Variants in CD101 observed in about 807,000 individuals in gnomAD.
The protein encoded by CD101 is CD101 molecule, also known as immunoglobulin superfamily member 2.
In CD101, 76 loss-of-function variants were observed where a neutral mutation model predicts 98.2. That is an observed-to-expected ratio of 0.77 (90% CI 0.64 to 0.94). The LOEUF (loss-of-function observed/expected upper bound fraction) is 0.94. CD101 is among the 40% of genes least tolerant of loss of function. The pLI, the probability that CD101 is intolerant of heterozygous loss-of-function variation, is 0.00. For synonymous variants in CD101, 471 were observed against 472.7 expected, an observed-to-expected ratio of 1.00 and a Z score of 0.05; for missense variants, 1,145 against 1,218.8, an observed-to-expected ratio of 0.94 and a Z score of 0.90.
At position 117,017,215 on chromosome 1, in the gene CD101, C is replaced by T. The variant is rs146228310; in HGVS notation, c.1354C>T (p.Arg452Trp). 55 of 1,613,982 alleles carry T rather than the reference C, an allele frequency of 3.4e-5. No individual in the cohort carries two copies. The highest frequency in any genetic ancestry group is 2.7e-4 in the East Asian group (12 of 44,886). ...GTCTGTGAGCTGGTGGCACATCCCACGGGACCAGACACAGCCCGAGTTTGT... is the reference window on the plus strand; with the variant it reads ...GTCTGTGAGCTGGTGGCACATCCCATGGGACCAGACACAGCCCGAGTTTGT... Reference protein sequence around the residue: ...PLSVSWWHIPRDQTQPEFVAG... With the variant: ...PLSVSWWHIPWDQTQPEFVAG... Residue 452 changes from arginine to tryptophan, a missense_variant, in exon 5 of 10, where the codon CGG (arginine) becomes TGG (tryptophan). Physicochemically the swap from Arg to Trp is moderately radical, Grantham distance 101. Coordinates refer to ENST00000682167, the MANE Select transcript of CD101 (RefSeq NM_001256106.3).
In CD101 at chr1:117,025,896, T is replaced by C. The variant is rs1653890351; in HGVS notation, c.2816T>C (p.Leu939Pro). The C allele has an allele frequency of 3.7e-6, 6 of 1,605,206 alleles. No homozygotes were observed. The highest frequency in any genetic ancestry group is 1.3e-5 in the African/African-American group (1 of 74,928). Reference protein sequence around the residue: ...DESQRMVLTVLPSEPTLPSRI... With the variant: ...DESQRMVLTVPPSEPTLPSRI... The stretch of plus-strand genomic sequence containing the variant: ...TCACAGCGGATGGTGCTCACGGTGC[T>C]GCCTTCAGGTAACCAGGGGTTTATC... The change falls in exon 8 of 10, where the codon CTG becomes CCG. Residue 939 changes from leucine to proline, a missense_variant. Coordinates refer to ENST00000682167, the MANE Select transcript of CD101 (RefSeq NM_001256106.3).
rs756499266 is a variant in CD101 at position 117,022,272 on chromosome 1, T to A, written c.2428+289T>A. On this transcript the variant is annotated intron_variant, in intron 7 of 9. Transcript: ENST00000682167. The surrounding 1 kb of genome is among the most constrained non-coding windows in gnomAD (Gnocchi z 4.8). ...CTGTGCAGCTACCCAGGGTATCGTA[T>A]CTCCAGATCTCTATCATAACAAGCT... 3.9e-5 allele frequency among the ~76,000 whole-genome samples: 6 copies of A among 152,120 alleles called. No homozygotes were observed. Among genetic ancestry groups the A allele is most frequent in the Admixed American group, 6.5e-5 (1 of 15,270 alleles).
intron 2 of CD101, 41 bp from the exon 3 acceptor site, chr1:117,011,509 G>A (rs1193609416): frequency 6.4e-7 from 1 of 1,561,134 alleles, no homozygotes; most frequent in Non-Finnish European, 8.7e-7. Flanking sequence ...CACTGGACAA[G>A]CACTGGGCCA....
rs950409941 is a variant in CD101, at chr1:117,023,923, C to T, written c.2429-1586C>T. Reference sequence around the variant, plus strand: ...GTCAATTTCAAGGAGAAATTGGACTCCAGTAACAAAAACCACATAGAGGAC... The same window carrying T: ...GTCAATTTCAAGGAGAAATTGGACTTCAGTAACAAAAACCACATAGAGGAC... On this transcript the variant is annotated intron_variant, in intron 7 of 9. Coordinates refer to ENST00000682167, the MANE Select transcript of CD101 (RefSeq NM_001256106.3). This position sits in a 1 kb window ranked among gnomAD's most constrained non-coding sequence, Gnocchi z 4.4. Among the ~76,000 whole-genome samples the T allele has an allele frequency of 6.6e-6, 1 of 152,088 alleles. No homozygotes were observed. Among genetic ancestry groups the T allele is most frequent in the Non-Finnish European group, 1.5e-5 (1 of 68,028 alleles).
At chr1:117,026,584 T>G (rs1377832705) in intron 8 of CD101, 2 of 152,246 alleles carry the variant, frequency 1.3e-5, no homozygotes, top group African/African-American at 4.8e-5. Flanking sequence ...GCACATTCCG[T>G]ACATGTTTTC....
intron 2 of CD101, among the ~76,000 whole-genome samples, chr1:117,011,330 C>T (rs1652874399): frequency 6.6e-6 from 1 of 152,124 alleles, no homozygotes; most frequent in Non-Finnish European, 1.5e-5. Context: ...AGGGTCAACA[C>T]ATTGATGAGG....
At chr1:117,030,056 G>A (rs1557779832) in intron 8 of CD101, among the ~76,000 whole-genome samples, 1 of 152,180 alleles carries the variant, frequency 6.6e-6, no homozygotes, top group Non-Finnish European at 1.5e-5. Flanking sequence ...ATCTGTAGTA[G>A]TGTGGTACTT....
At chr1:117,029,136 A>C (rs1654157902) in intron 8 of CD101, among the ~76,000 whole-genome samples, 1 of 71,396 alleles carries the variant, frequency 1.4e-5, no homozygotes, top group Non-Finnish European at 2.7e-5. Context: ...CATCAGAAAG[A>C]AAGAAAGAAA....
Position 117,025,911 on chromosome 1 carries a change from A to G in CD101, c.2824+7A>G. 1 of 1,598,596 alleles carries G rather than the reference A, an allele frequency of 6.3e-7. No homozygotes were observed. ...CTCACGGTGCTGCCTTCAGGTAACC[A>G]GGGGTTTATCTACCGCGAGCTCATG... On this transcript the variant is annotated splice_region_variant and intron_variant, in intron 8 of 9. Coordinates refer to ENST00000682167, the MANE Select transcript of CD101 (RefSeq NM_001256106.3).
chr1:117,030,820 G>A (rs1443455878), intron 8 of CD101, among the ~76,000 whole-genome samples: 1 of 152,224 alleles, frequency 6.6e-6, no homozygotes, highest in Non-Finnish European at 1.5e-5. Flanking sequence ...AGAGTTGGCA[G>A]CCCCCTCTTT....
intron 8 of CD101, among the ~76,000 whole-genome samples, chr1:117,032,767 T>G (rs1277146680): frequency 6.6e-6 from 1 of 152,100 alleles, no homozygotes; most frequent in Non-Finnish European, 1.5e-5. Flanking sequence ...CAATAGACTG[T>G]TTCCTGAAAC....
At chr1:117,025,401 T>C in intron 7 of CD101, 108 bp from the exon 8 acceptor site, 1 of 898,998 alleles carries the variant, frequency 1.1e-6, no homozygotes, top group South Asian at 2.1e-5. Flanking sequence ...ATGAATGCAC[T>C]GATGTCTAAA....
intron 8 of CD101, among the ~76,000 whole-genome samples, chr1:117,027,033 C>T (rs1653983269): frequency 6.6e-6 from 1 of 152,160 alleles, no homozygotes; most frequent in Non-Finnish European, 1.5e-5. Flanking sequence ...ACTACCAATA[C>T]CAGCTATGAA....
At chr1:117,013,071 A>G (rs919616376) in intron 3 of CD101, among the ~76,000 whole-genome samples, 4 of 151,940 alleles carry the variant, frequency 2.6e-5, no homozygotes, top group African/African-American at 9.7e-5. Flanking sequence ...AAAATATTTA[A>G]TATATATATT....
chr1:117,035,298 A>C (rs1157929179), intron 9 of CD101, among the ~76,000 whole-genome samples: 1 of 152,198 alleles, frequency 6.6e-6, no homozygotes, highest in East Asian at 1.9e-4. Flanking sequence ...TGCATTTCCA[A>C]GGAGAGCAAT....
At position 117,033,900 on chromosome 1, in the gene CD101, A is replaced by T. The variant is rs34223095; in HGVS notation, c.2865A>T (p.Leu955Phe). The stretch of plus-strand genomic sequence containing the variant: ...CCAGGATCTGCTCCTCGGCCCCTTT[A>T]CTCTATTTCCTGTTCATCTGTCCCT... The part of the protein sequence containing the change: ...LPSRICSSAP[L>F]LYFLFICPFV... Residue 955 changes from leucine to phenylalanine, a missense_variant, in exon 9 of 10, where the codon TTA becomes TTT. Transcript: ENST00000682167. The surrounding 1 kb of genome is among the most constrained non-coding windows in gnomAD (Gnocchi z 4.8). 85,709 of 1,613,368 alleles carry T rather than the reference A, an allele frequency of 0.053. 2,836 individuals carry two copies. Among genetic ancestry groups the T allele is most frequent in the South Asian group, 0.12 (11,242 of 91,042 alleles).
Position 117,029,223 on chromosome 1 carries a change from AAGAAAG to A in CD101, c.2824+3321_2824+3326del, listed in dbSNP as rs757937081. On this transcript the variant is annotated intron_variant, in intron 8 of 9. Transcript: ENST00000682167. ...AGAAAGAAAAGAAAGAAAAGAAAGA[AAGAAAG>A]AAAGAAAGAAAGAAAGAAAGAAAGA... is the stretch of plus-strand genomic sequence containing the variant. 2.3e-4 allele frequency among the ~76,000 whole-genome samples: 14 copies of A among 59,772 alleles called. 3 individuals are homozygous for A. Among genetic ancestry groups the A allele is most frequent in the Non-Finnish European group, 1.2e-4 (4 of 33,718 alleles). The allele number at this position is 59,772 out of a possible 152,430, so 39.2% of individuals were successfully genotyped here.
chr1:117,016,119 G>C (rs1653201197), intron 4 of CD101, among the ~76,000 whole-genome samples: 2 of 150,914 alleles, frequency 1.3e-5, no homozygotes, highest in Admixed American at 1.3e-4. Context: ...TTACAACAAC[G>C]TGTGTTGTCG....
intron 1 of CD101, 41 bp from the exon 2 acceptor site, chr1:117,009,809 C>G (rs1333763936): frequency 6.5e-7 from 1 of 1,550,062 alleles, no homozygotes; most frequent in Non-Finnish European, 8.7e-7. Flanking sequence ...AACTGGAACA[C>G]TAATCTCTTT....
Sources: allele counts gnomAD v4.1 joint callset (sites outside exome capture counted in the v4.1 genomes callset), GRCh38; gene constraint gnomAD v4.1.1; non-coding constraint Gnocchi (gnomAD v3.1); transcripts MANE v1.5; gene names NCBI Gene and HGNC (gene_info 2026-07-23, HGNC 2026-07-21).